NEXMIF: variants seen among roughly 807,000 people sequenced by gnomAD.
NEXMIF encodes XLMR protein related to neurite extension.
In NEXMIF, 8 loss-of-function variants were observed where a neutral mutation model predicts 62.1. The observed-to-expected ratio is 0.13, with a 90% CI of 0.08 to 0.23. NEXMIF has a LOEUF of 0.23. NEXMIF is among the 10% of genes least tolerant of loss of function. The pLI is 1.00. For synonymous variants in NEXMIF, 404 were observed against 416.6 expected, an observed-to-expected ratio of 0.97 and a Z score of 0.37; for missense variants, 976 against 1,113.3, an observed-to-expected ratio of 0.88 and a Z score of 1.75.
intron 1 of NEXMIF, among the ~76,000 whole-genome samples, chrX:74,892,189 TCAATTCAAAGCCTCAA>T (rs2080719952): frequency 8.9e-6 from 1 of 112,053 alleles, no homozygotes; most frequent in African/African-American, 3.2e-5. Flanking sequence ...AGAAATATTC[TCAATTCAAAGCCTCAA>T]TGCAGAGGGA....
At chrX:74,894,200 G>C (rs1012281219) in intron 1 of NEXMIF, among the ~76,000 whole-genome samples, 4 of 111,164 alleles carry the variant, frequency 3.6e-5, no homozygotes, top group Admixed American at 9.6e-5. Context: ...TTAGGAGGCT[G>C]AGGGAGAGGA....
chrX:74,822,991 T>C (rs2080402257), intron 1 of NEXMIF, among the ~76,000 whole-genome samples: 1 of 112,089 alleles, frequency 8.9e-6, no homozygotes, highest in Non-Finnish European at 1.9e-5. Flanking sequence ...TAATGTAGCA[T>C]ACCCATACAA....
At chrX:74,842,740 T>G (rs781460872) in intron 1 of NEXMIF, among the ~76,000 whole-genome samples, 4 of 112,293 alleles carry the variant, frequency 3.6e-5, no homozygotes, top group Admixed American at 1.9e-4. Flanking sequence ...CCAAAAGTCA[T>G]TCAGGAGCAT....
chrX:74,907,858 C>T lies in NEXMIF; in HGVS notation c.-48+17025G>A, dbSNP rs142632820. 4.3e-3 allele frequency among the ~76,000 whole-genome samples: 476 copies of T among 111,660 alleles called. 1 individual carries two copies. Among genetic ancestry groups the T allele is most frequent in the African/African-American group, 0.015 (459 of 30,758 alleles). On this transcript the variant is annotated intron_variant, in intron 1 of 3. Transcript: ENST00000055682. ...CTGAACAAACAACTGTCTCCCTCAG[C>T]TGGCCATCTCAACAACCAATGGAAA...
chrX:74,887,199 A>G (rs932298569), intron 1 of NEXMIF, among the ~76,000 whole-genome samples: 1 of 112,155 alleles, frequency 8.9e-6, no homozygotes, highest in African/African-American at 3.3e-5. Flanking sequence ...TAAAAACCCT[A>G]GAAGAAAACC....
chrX:74,861,890 C>T lies in NEXMIF; in HGVS notation c.-48+62993G>A, dbSNP rs550127465. On this transcript the variant is annotated intron_variant, in intron 1 of 3. Transcript: ENST00000055682. ...AAATCAATACCAGCCACTGCAAAAA[C>T]ACACTGAATTACAAAGACCAATGAC... 5.3e-4 allele frequency among the ~76,000 whole-genome samples: 59 copies of T among 111,837 alleles called. No homozygotes were observed. In the South Asian group the frequency reaches 0.022, roughly 42 times the overall value.
chrX:74,773,719 C>T (rs1200720737), intron 1 of NEXMIF, among the ~76,000 whole-genome samples: 1 of 109,280 alleles, frequency 9.2e-6, no homozygotes, highest in Non-Finnish European at 1.9e-5. Context: ...ACCAGTCTGG[C>T]CACTATGGCA....
chrX:74,769,565 G>A (rs960667891), intron 1 of NEXMIF: 6 of 417,259 alleles, frequency 1.4e-5, no homozygotes, highest in African/African-American at 5.1e-5. Context: ...CTCTGCCAGC[G>A]CTGAGAAACC....
intron 1 of NEXMIF, among the ~76,000 whole-genome samples, chrX:74,770,725 C>T (rs1389415012): frequency 8.9e-6 from 1 of 111,948 alleles, no homozygotes; most frequent in East Asian, 2.8e-4. Context: ...TACTTATTAA[C>T]TATCAGTCAT....
intron 1 of NEXMIF, among the ~76,000 whole-genome samples, chrX:74,784,665 G>T (rs2080255584): frequency 1.8e-5 from 2 of 110,143 alleles, no homozygotes; most frequent in South Asian, 7.7e-4. Context: ...ATCTGTGAAA[G>T]AAAGAGTTAA....
At chrX:74,793,553 G>T (rs1409858143) in intron 1 of NEXMIF, among the ~76,000 whole-genome samples, 303 of 111,400 alleles carry the variant, frequency 2.7e-3, no homozygotes, top group African/African-American at 7.3e-3. Context: ...TTCTCCTGGA[G>T]AATATCCTGC....
chrX:74,783,100 A>G (rs1182492793), intron 1 of NEXMIF, among the ~76,000 whole-genome samples: 1 of 111,693 alleles, frequency 9.0e-6, no homozygotes, highest in Non-Finnish European at 1.9e-5. Flanking sequence ...AATAGGAAAA[A>G]TGGTTAAAAA....
chrX:74,858,263 T>C (rs779052417), intron 1 of NEXMIF, among the ~76,000 whole-genome samples: 227 of 112,411 alleles, frequency 2.0e-3, no homozygotes, highest in Non-Finnish European at 3.5e-3. Flanking sequence ...CCAGTGGTGG[T>C]GGCCACAGAG....
chrX:74,836,997 C>T (rs2080459173), intron 1 of NEXMIF, among the ~76,000 whole-genome samples: 2 of 111,668 alleles, frequency 1.8e-5, no homozygotes, highest in African/African-American at 6.5e-5. Flanking sequence ...TGATCCCTCT[C>T]TGGCTAGGGC....
intron 1 of NEXMIF, among the ~76,000 whole-genome samples, chrX:74,827,994 G>GA (rs1569350931): frequency 9.0e-6 from 1 of 111,670 alleles, no homozygotes; most frequent in African/African-American, 3.3e-5. Context: ...TTATGTAGTG[G>GA]AAAAAATAGC....
chrX:74,764,515 G>A (rs902074060), intron 1 of NEXMIF, among the ~76,000 whole-genome samples: 121 of 111,860 alleles, frequency 1.1e-3, no homozygotes, highest in Non-Finnish European at 1.4e-3. Flanking sequence ...CTCTTTTTCT[G>A]TTGATTGGAA....
intron 1 of NEXMIF, among the ~76,000 whole-genome samples, chrX:74,776,595 C>T (rs1291702116): frequency 1.8e-5 from 2 of 108,917 alleles, no homozygotes; most frequent in African/African-American, 3.3e-5. Flanking sequence ...GGCGTGGTGG[C>T]GGGCACCTGT....
intron 1 of NEXMIF, among the ~76,000 whole-genome samples, chrX:74,818,591 A>G (rs1168117978): frequency 1.8e-5 from 2 of 112,384 alleles, no homozygotes; most frequent in Admixed American, 1.9e-4. Context: ...AATTATAACA[A>G]AAACAAAAAT....
chrX:74,810,068 C>T (rs1182069541), intron 1 of NEXMIF, among the ~76,000 whole-genome samples: 4 of 111,823 alleles, frequency 3.6e-5, no homozygotes, highest in Non-Finnish European at 5.6e-5. Flanking sequence ...GAAACTTCCA[C>T]GTGTTTTCTT....
Sources: gnomAD v4.1 joint callset for allele counts (sites outside exome capture counted in the v4.1 genomes callset) on GRCh38, gnomAD v4.1.1 for gene constraint, MANE v1.5 for transcripts, NCBI Gene and HGNC (gene_info 2026-07-23, HGNC 2026-07-21) for gene names.